Variants in BBS9 observed in about 807,000 individuals in gnomAD.
BBS9 encodes the protein Bardet-Biedl syndrome 9, also known as protein PTHB1.
Under a neutral mutation model 117.7 loss-of-function variants are expected in BBS9, and 89 were observed. The observed-to-expected ratio is 0.76, with a 90% CI of 0.64 to 0.90. The LOEUF (loss-of-function observed/expected upper bound fraction) is 0.90. Ranked by LOEUF, BBS9 falls within the 40% of genes least tolerant of loss-of-function variation. BBS9 has a pLI of 0.00. For missense variants in BBS9, 982 were observed against 1,042.2 expected (o/e 0.94, Z 0.80); for synonymous variants, 379 against 370.9 (o/e 1.02, Z -0.25).
intron 17 of BBS9, among the ~76,000 whole-genome samples, chr7:33,371,141 C>T (rs887848143): frequency 1.3e-5 from 2 of 152,054 alleles, no homozygotes; most frequent in Non-Finnish European, 2.9e-5. Flanking sequence ...GATGCTGAGT[C>T]AAAGATGAAA....
At chr7:33,598,421 G>T (rs1334992971) in intron 21 of BBS9, among the ~76,000 whole-genome samples, 1 of 152,114 alleles carries the variant, frequency 6.6e-6, no homozygotes, top group Non-Finnish European at 1.5e-5. Flanking sequence ...GACAATGAAT[G>T]TTATGAAGTA....
rs181060346 is a variant in BBS9 at position 33,334,009 on chromosome 7, G to T, written c.1017-2432G>T. Among the ~76,000 whole-genome samples, 286 of 152,206 alleles carry T rather than the reference G, an allele frequency of 1.9e-3. 1 individual carries two copies. The highest frequency in any genetic ancestry group is 6.1e-3 in the African/African-American group (255 of 41,522). ...CATTCTGGTGAAATTTGTTCTTTTG[G>T]TGAGGGAAGACCCTGGCTACTCTCT... On this transcript the variant is annotated intron_variant, in intron 9 of 22. Transcript: ENST00000242067.
chr7:33,377,071 T>C (rs1357124475), intron 17 of BBS9, among the ~76,000 whole-genome samples: 1 of 152,214 alleles, frequency 6.6e-6, no homozygotes, highest in Non-Finnish European at 1.5e-5. Flanking sequence ...TTTGTCATAC[T>C]TGCTTTTGTT....
chr7:33,401,099 A>G (rs1168564659), intron 19 of BBS9, among the ~76,000 whole-genome samples: 1 of 152,216 alleles, frequency 6.6e-6, no homozygotes, highest in Non-Finnish European at 1.5e-5. Flanking sequence ...TCAGAGAATT[A>G]GGCCCTCAGC....
intron 19 of BBS9, among the ~76,000 whole-genome samples, chr7:33,435,030 A>G (rs894931541): frequency 1.1e-4 from 16 of 152,202 alleles, no homozygotes; most frequent in Non-Finnish European, 1.5e-4. Flanking sequence ...ACTACATAAA[A>G]TGAATAATGA....
chr7:33,503,282 A>C (rs1437596184), intron 19 of BBS9, among the ~76,000 whole-genome samples: 1 of 152,192 alleles, frequency 6.6e-6, no homozygotes, highest in African/African-American at 2.4e-5. Flanking sequence ...CCCTGCGTAC[A>C]GTCCTGGGCA....
chr7:33,468,273 T>C (rs1840472738), intron 19 of BBS9, among the ~76,000 whole-genome samples: 1 of 152,260 alleles, frequency 6.6e-6, no homozygotes, highest in South Asian at 2.1e-4. Context: ...TTTTCAATAC[T>C]TATTAGAAAA....
chr7:33,438,153 A>G (rs552817951), intron 19 of BBS9, among the ~76,000 whole-genome samples: 2 of 152,192 alleles, frequency 1.3e-5, no homozygotes, highest in African/African-American at 4.8e-5. Flanking sequence ...AAAAAATGCA[A>G]TTGGATCCTT....
chr7:33,438,838 G>A (rs1391619700), intron 19 of BBS9, among the ~76,000 whole-genome samples: 7 of 152,192 alleles, frequency 4.6e-5, no homozygotes, highest in Non-Finnish European at 8.8e-5. Context: ...CAAAGCTGGC[G>A]AATGTTCTCA....
intron 16 of BBS9, among the ~76,000 whole-genome samples, chr7:33,366,356 T>C (rs1821715185): frequency 6.6e-6 from 1 of 151,970 alleles, no homozygotes; most frequent in East Asian, 1.9e-4. Flanking sequence ...TTTGTTCCGT[T>C]TTGCTGCAGC....
chr7:33,469,070 C>T (rs565927689), intron 19 of BBS9, among the ~76,000 whole-genome samples: 61 of 152,090 alleles, frequency 4.0e-4, no homozygotes, highest in Non-Finnish European at 7.5e-4. Flanking sequence ...TATTAATAAC[C>T]ACTTTTACAG....
intron 2 of BBS9, 79 bp from the exon 3 acceptor site, chr7:33,152,622 A>G: frequency 7.5e-7 from 1 of 1,331,846 alleles, no homozygotes; most frequent in East Asian, 2.3e-5. Context: ...TCTCTTTTAC[A>G]CATTAGAAAG....
At chr7:33,627,374 G>A (rs935250765) in intron 21 of BBS9, among the ~76,000 whole-genome samples, 1 of 152,246 alleles carries the variant, frequency 6.6e-6, no homozygotes, top group Admixed American at 6.5e-5. Flanking sequence ...CTGCTGCAGG[G>A]GCAGAGCCCT....
At chr7:33,387,924 G>A in intron 18 of BBS9, 68 bp from the exon 19 acceptor site, 2 of 1,497,928 alleles carry the variant, frequency 1.3e-6, no homozygotes, top group African/African-American at 1.4e-5. Context: ...TTATCATTGT[G>A]TGTATTTTTT....
At chr7:33,597,072 C>T (rs1862959673) in intron 21 of BBS9, among the ~76,000 whole-genome samples, 2 of 42,916 alleles carry the variant, frequency 4.7e-5, no homozygotes, top group East Asian at 1.8e-3. Context: ...CTCTCTGTCA[C>T]ACACACACAC....
At chr7:33,257,571 A>T (rs767003733) in intron 6 of BBS9, among the ~76,000 whole-genome samples, 161 bp downstream of exon 6, 11 of 152,206 alleles carry the variant, frequency 7.2e-5, no homozygotes, top group African/African-American at 1.4e-4. Context: ...TTACTATTGT[A>T]AAATATTTGA....
chr7:33,376,523 T>C lies in BBS9; in HGVS notation c.1790-7143T>C, dbSNP rs972010286. ...GAGCATATGAGTGCATGTATCTTTATGGTAGAACGATTTATATTCCTTTTG... is the reference window on the plus strand; with the variant it reads ...GAGCATATGAGTGCATGTATCTTTACGGTAGAACGATTTATATTCCTTTTG... On this transcript the variant is annotated intron_variant, in intron 17 of 22. Transcript: ENST00000242067. 4.6e-5 allele frequency among the ~76,000 whole-genome samples: 7 copies of C among 152,356 alleles called. No homozygotes were observed. The East Asian group carries it at 1.4e-3, about 29-fold the overall frequency.
chr7:33,250,745 A>G (rs1796094595), intron 5 of BBS9, among the ~76,000 whole-genome samples: 1 of 152,226 alleles, frequency 6.6e-6, no homozygotes, highest in Non-Finnish European at 1.5e-5. Flanking sequence ...ATCTCAGCCA[A>G]TCTGAGGTAC....
intron 1 of BBS9, among the ~76,000 whole-genome samples, chr7:33,140,867 T>C (rs1358902650): frequency 6.6e-6 from 1 of 152,216 alleles, no homozygotes; most frequent in Admixed American, 6.5e-5. Context: ...CTGTTAGATA[T>C]TTGTTCACTT....
Sources: allele counts gnomAD v4.1 joint callset (sites outside exome capture counted in the v4.1 genomes callset), GRCh38; gene constraint gnomAD v4.1.1; transcripts MANE v1.5; gene names NCBI Gene and HGNC (gene_info 2026-07-23, HGNC 2026-07-21).